The following NXPE4 variants were observed in gnomAD, a reference collection of about 807,000 sequenced individuals.
The protein encoded by NXPE4 is NXPE family member 4.
Under a neutral mutation model 33.3 loss-of-function variants are expected in NXPE4, and 42 were observed. The ratio of observed to expected loss-of-function variants is 1.26; its 90% CI spans 0.98 to 1.63. NXPE4 has a LOEUF of 1.63. NXPE4 is among the 40% of genes most tolerant of loss of function. The pLI is 0.00. For missense variants in NXPE4, 709 were observed against 647.6 expected, an observed-to-expected ratio of 1.09 and a Z score of -1.03; for synonymous variants, 253 against 234.9, an observed-to-expected ratio of 1.08 and a Z score of -0.71.
the NXPE4 span, among the ~76,000 whole-genome samples, chr11:114,645,762 A>G: frequency 6.6e-6 from 1 of 152,194 alleles, no homozygotes; most frequent in Non-Finnish European, 1.5e-5. Flanking sequence ...CGTATATGTG[A>G]AAATATTCAA....
intron 2 of NXPE4, chr11:114,583,995 T>C (rs976534156): frequency 2.7e-6 from 1 of 369,024 alleles, no homozygotes; most frequent in Non-Finnish European, 5.3e-6. Flanking sequence ...ATGTCCAAAG[T>C]AATAGAGATG....
At chr11:114,573,674 A>G (rs1408986292) in intron 5 of NXPE4, among the ~76,000 whole-genome samples, 1 of 152,134 alleles carries the variant, frequency 6.6e-6, no homozygotes, top group Non-Finnish European at 1.5e-5. Flanking sequence ...CCACAATTCT[A>G]AATATATATG....
the NXPE4 span, among the ~76,000 whole-genome samples, chr11:114,636,364 A>G: frequency 6.6e-6 from 1 of 151,096 alleles, no homozygotes; most frequent in Non-Finnish European, 1.5e-5. Flanking sequence ...TTTTTTCTTT[A>G]TTAGTCTGCT....
At chr11:114,641,189 T>C in the NXPE4 span, among the ~76,000 whole-genome samples, 1 of 151,756 alleles carries the variant, frequency 6.6e-6, no homozygotes, top group African/African-American at 2.4e-5. Flanking sequence ...CTCCCAGAAA[T>C]AATCAAGAAG....
the NXPE4 span, among the ~76,000 whole-genome samples, chr11:114,608,187 T>C: frequency 2.0e-5 from 3 of 151,454 alleles, no homozygotes; most frequent in Non-Finnish European, 2.9e-5. Flanking sequence ...GCCTCGTGGG[T>C]AACCATGGTT....
the NXPE4 span, among the ~76,000 whole-genome samples, chr11:114,604,901 C>T: frequency 1.4e-4 from 21 of 151,394 alleles, no homozygotes; most frequent in Non-Finnish European, 1.6e-4. Flanking sequence ...CACTGTTACC[C>T]GGTGGATAAT....
upstream of NXPE4, among the ~76,000 whole-genome samples, chr11:114,599,455 A>G (rs1414684310): frequency 2.0e-5 from 3 of 152,166 alleles, no homozygotes; most frequent in East Asian, 5.8e-4. Context: ...TGACATTTTC[A>G]GGTATATTTA....
chr11:114,603,806 C>G, the NXPE4 span, among the ~76,000 whole-genome samples: 1 of 151,600 alleles, frequency 6.6e-6, no homozygotes, highest in Admixed American at 6.6e-5. Context: ...AGTATTGCCT[C>G]GTCTCCTAGG....
At chr11:114,579,691 A>C (rs530572091) in intron 5 of NXPE4, among the ~76,000 whole-genome samples, 1 of 152,352 alleles carries the variant, frequency 6.6e-6, no homozygotes, top group East Asian at 1.9e-4. Context: ...TTGACAGATG[A>C]GAAAACTGAG....
the NXPE4 span, among the ~76,000 whole-genome samples, chr11:114,662,818 C>T: frequency 5.0e-4 from 76 of 152,244 alleles, no homozygotes; most frequent in Non-Finnish European, 7.6e-4. Flanking sequence ...CCTGCTGCCT[C>T]GAAGGAAAGG....
the NXPE4 span, among the ~76,000 whole-genome samples, chr11:114,643,958 C>T: frequency 6.6e-6 from 1 of 152,000 alleles, no homozygotes; most frequent in Admixed American, 6.6e-5. Flanking sequence ...ATTTGTAGTT[C>T]CCCTTGAAGA....
Position 114,572,577 on chromosome 11 carries a change from A to G in NXPE4, c.1100-1104T>C, listed in dbSNP as rs183424113. ...CTTAGAGAAATGCAAAATGCACTGG[A>G]AATTCTCAGCAATAGAATTGAACAA... On this transcript the variant is annotated intron_variant, in intron 5 of 5. Coordinates refer to ENST00000375478, the MANE Select transcript of NXPE4 (RefSeq NM_001077639.2). 5.8e-3 allele frequency among the ~76,000 whole-genome samples: 886 copies of G among 152,286 alleles called. 9 individuals carry two copies. The highest frequency in any genetic ancestry group is 0.02 in the African/African-American group (850 of 41,560).
the NXPE4 span, among the ~76,000 whole-genome samples, chr11:114,662,535 GA>G: frequency 6.6e-6 from 1 of 152,130 alleles, no homozygotes; most frequent in African/African-American, 2.4e-5. Context: ...GTGGACTGGG[GA>G]GCACACAACT....
At chr11:114,676,531 G>A in the NXPE4 span, among the ~76,000 whole-genome samples, 1 of 151,938 alleles carries the variant, frequency 6.6e-6, no homozygotes, top group Non-Finnish European at 1.5e-5. Context: ...CTAATCATCA[G>A]GAAAATGCAA....
intron 2 of NXPE4, among the ~76,000 whole-genome samples, chr11:114,589,626 C>G (rs1307584199): frequency 6.6e-6 from 1 of 152,140 alleles, no homozygotes; most frequent in Non-Finnish European, 1.5e-5. Flanking sequence ...CTAGTGGAAG[C>G]TAATATCAAT....
chr11:114,602,607 ATAAT>A, the NXPE4 span, among the ~76,000 whole-genome samples: 3 of 141,016 alleles, frequency 2.1e-5, no homozygotes, highest in East Asian at 4.2e-4. Flanking sequence ...TTCATATATA[ATAAT>A]TATCTCATAT....
the NXPE4 span, among the ~76,000 whole-genome samples, chr11:114,662,057 G>A: frequency 2.0e-5 from 3 of 152,142 alleles, no homozygotes; most frequent in Non-Finnish European, 2.9e-5. Flanking sequence ...AACAACTATC[G>A]ACACAAAAGA....
chr11:114,611,408 A>G, the NXPE4 span, among the ~76,000 whole-genome samples: 2 of 151,746 alleles, frequency 1.3e-5, no homozygotes, highest in African/African-American at 2.4e-5. Flanking sequence ...TTCCCAGTGG[A>G]TAATAAGTAT....
At chr11:114,640,279 CATT>C in the NXPE4 span, among the ~76,000 whole-genome samples, 23 of 136,274 alleles carry the variant, frequency 1.7e-4, no homozygotes, top group Non-Finnish European at 2.3e-4. Context: ...ATATATAATA[CATT>C]ATTTTGTTCA....
Sources: allele counts gnomAD v4.1 joint callset (sites outside exome capture counted in the v4.1 genomes callset), GRCh38; gene constraint gnomAD v4.1.1; transcripts MANE v1.5; gene names NCBI Gene and HGNC (gene_info 2026-07-23, HGNC 2026-07-21).